The following CTNNBL1 variants were observed in gnomAD, a reference collection of about 807,000 sequenced individuals.
CTNNBL1 encodes catenin beta like 1, also known as beta-catenin-like protein 1.
Under a neutral mutation model 72.7 loss-of-function variants are expected in CTNNBL1, and 31 were observed. That is an observed-to-expected ratio of 0.43 (90% confidence interval 0.32 to 0.58). The LOEUF is 0.58. CTNNBL1 is among the 20% of genes least tolerant of loss of function. The pLI is 0.08. For missense variants in CTNNBL1, 534 were observed against 725.1 expected (o/e 0.74, Z 3.03); for synonymous variants, 240 against 267.3 (o/e 0.90, Z 1.00).
chr20:37,794,885 T>G (rs1204967247), intron 10 of CTNNBL1, among the ~76,000 whole-genome samples: 1 of 152,136 alleles, frequency 6.6e-6, no homozygotes, highest in African/African-American at 2.4e-5. Flanking sequence ...GTTTTTTTCC[T>G]TTCGGTACTC....
At chr20:37,851,522 C>T (rs1258335100) in intron 13 of CTNNBL1, among the ~76,000 whole-genome samples, 1 of 152,120 alleles carries the variant, frequency 6.6e-6, no homozygotes, top group Non-Finnish European at 1.5e-5. Flanking sequence ...TGTTTATATG[C>T]TAATACTATG....
chr20:37,694,107 T>A lies in CTNNBL1; in HGVS notation c.-16T>A. The A allele has an allele frequency of 1.2e-6, 2 of 1,605,338 alleles. No individual in the cohort carries two copies. Among genetic ancestry groups the A allele is most frequent in the Non-Finnish European group, 1.7e-6 (2 of 1,176,448 alleles). ...CGTGAGTGCAGGGAAGTGGAGTATT[T>A]GCTGGGCCGGGTACCATGGACGTGG... On this transcript the variant is annotated 5_prime_UTR_variant, in exon 1 of 16. Coordinates refer to ENST00000361383, the MANE Select transcript of CTNNBL1 (RefSeq NM_030877.5).
At chr20:37,767,549 T>A (rs1798763438) in intron 6 of CTNNBL1, among the ~76,000 whole-genome samples, 1 of 152,210 alleles carries the variant, frequency 6.6e-6, no homozygotes. Context: ...GAAGCGACTC[T>A]TGAGTTCACC....
chr20:37,769,145 T>C lies in CTNNBL1; in HGVS notation c.750+1101T>C, dbSNP rs183070176. Among the ~76,000 whole-genome samples, 11 of 152,328 alleles carry C rather than the reference T, an allele frequency of 7.2e-5. No homozygotes were observed. In the East Asian group the frequency reaches 2.1e-3, roughly 29 times the overall value. On this transcript the variant is annotated intron_variant, in intron 7 of 15. Coordinates refer to ENST00000361383, the MANE Select transcript of CTNNBL1 (RefSeq NM_030877.5). Reference sequence around the variant, plus strand: ...ACATAGTAAATACAGAATTTATCTGTAGTTTCAGGCATCCACTGGGGGCCT... The same window carrying C: ...ACATAGTAAATACAGAATTTATCTGCAGTTTCAGGCATCCACTGGGGGCCT...
intron 1 of CTNNBL1, among the ~76,000 whole-genome samples, chr20:37,721,842 C>T (rs1227976398): frequency 6.6e-6 from 1 of 152,136 alleles, no homozygotes; most frequent in Non-Finnish European, 1.5e-5. Context: ...TATGTGTGAG[C>T]ATTTCTCTAG....
intron 5 of CTNNBL1, among the ~76,000 whole-genome samples, chr20:37,764,107 C>T (rs189268709): frequency 2.0e-5 from 3 of 152,250 alleles, no homozygotes; most frequent in Middle Eastern, 3.4e-3. Context: ...CTTTGAGGAG[C>T]TGCCATGAAC....
intron 10 of CTNNBL1, among the ~76,000 whole-genome samples, chr20:37,780,590 C>T (rs1204100854): frequency 6.6e-6 from 1 of 152,158 alleles, no homozygotes; most frequent in African/African-American, 2.4e-5. Context: ...TCAGTAACTG[C>T]ATCATGGCCT....
chr20:37,841,188 C>T (rs1264742210), intron 12 of CTNNBL1, among the ~76,000 whole-genome samples: 2 of 152,166 alleles, frequency 1.3e-5, no homozygotes, highest in Non-Finnish European at 2.9e-5. Flanking sequence ...AGCTTAGAGA[C>T]ATTATGTAAC....
intron 5 of CTNNBL1, among the ~76,000 whole-genome samples, chr20:37,758,702 GTTC>G (rs977573242): frequency 7.2e-5 from 11 of 152,348 alleles, no homozygotes; most frequent in African/African-American, 2.2e-4. Flanking sequence ...TCTGTGGATT[GTTC>G]TTCTTCTGTT....
chr20:37,849,108 C>T (rs975182587), intron 13 of CTNNBL1, among the ~76,000 whole-genome samples: 1 of 152,216 alleles, frequency 6.6e-6, no homozygotes, highest in Non-Finnish European at 1.5e-5. Context: ...TGCAGCCTAT[C>T]CACTTTTCTC....
At chr20:37,768,360 T>C (rs1191155797) in intron 7 of CTNNBL1, among the ~76,000 whole-genome samples, 1 of 152,212 alleles carries the variant, frequency 6.6e-6, no homozygotes, top group East Asian at 1.9e-4. Context: ...AACAATATTA[T>C]ATCCATTCTC....
chr20:37,738,445 C>G (rs898779672), intron 3 of CTNNBL1, among the ~76,000 whole-genome samples: 2 of 152,250 alleles, frequency 1.3e-5, no homozygotes, highest in African/African-American at 4.8e-5. Flanking sequence ...AATCTGGCAT[C>G]TTTCAGTCAG....
intron 15 of CTNNBL1, among the ~76,000 whole-genome samples, chr20:37,865,227 G>A (rs540837678): frequency 2.0e-5 from 3 of 152,194 alleles, no homozygotes; most frequent in South Asian, 4.1e-4. Flanking sequence ...ACAGGCATAC[G>A]TCCCTCACAA....
chr20:37,753,644 G>A (rs1473554459), intron 4 of CTNNBL1, among the ~76,000 whole-genome samples: 1 of 152,164 alleles, frequency 6.6e-6, no homozygotes, highest in Non-Finnish European at 1.5e-5. Context: ...GAAAAATGAA[G>A]GCAATAGTGA....
chr20:37,703,079 A>T (rs1224652357), intron 1 of CTNNBL1, among the ~76,000 whole-genome samples: 1 of 152,154 alleles, frequency 6.6e-6, no homozygotes, highest in South Asian at 2.1e-4. Flanking sequence ...TACAAAACCT[A>T]TATTCTTTGC....
chr20:37,787,343 G>GTT (rs11482375), intron 10 of CTNNBL1, among the ~76,000 whole-genome samples: 2,243 of 107,142 alleles, frequency 0.021, 186 homozygotes, highest in East Asian at 0.03. Context: ...ATAACTGTGT[G>GTT]TTTTTTTTTT....
chr20:37,836,884 AT>A lies in CTNNBL1; in HGVS notation c.1214-3208del, dbSNP rs961626967. Among the ~76,000 whole-genome samples, 648 of 150,254 alleles carry A rather than the reference AT, an allele frequency of 4.3e-3. 4 individuals are homozygous for A. The highest frequency in any genetic ancestry group is 0.015 in the African/African-American group (603 of 40,980). On this transcript the variant is annotated intron_variant, in intron 11 of 15. Coordinates refer to ENST00000361383, the MANE Select transcript of CTNNBL1 (RefSeq NM_030877.5). Reference sequence around the variant, plus strand: ...ATAATCGATGAGAACTTTGGCTCTGATTTTTTTTTTCTTCCTCTGTGGTTGT... The same window carrying A: ...ATAATCGATGAGAACTTTGGCTCTGATTTTTTTTTCTTCCTCTGTGGTTGT...
chr20:37,846,929 C>A (rs1453727237), intron 13 of CTNNBL1, among the ~76,000 whole-genome samples: 1 of 152,212 alleles, frequency 6.6e-6, no homozygotes, highest in Non-Finnish European at 1.5e-5. Context: ...TGTTTACTCT[C>A]TGTCTCTGGG....
At chr20:37,844,877 G>C (rs1458692519) in intron 13 of CTNNBL1, among the ~76,000 whole-genome samples, 4 of 152,182 alleles carry the variant, frequency 2.6e-5, no homozygotes, top group African/African-American at 9.7e-5. Context: ...GAGCCTGAGA[G>C]GTAAGGGTTG....
Sources: allele counts gnomAD v4.1 joint callset (sites outside exome capture counted in the v4.1 genomes callset), GRCh38; gene constraint gnomAD v4.1.1; transcripts MANE v1.5; gene names NCBI Gene and HGNC (gene_info 2026-07-23, HGNC 2026-07-21).